CEP290: variants seen among roughly 807,000 people sequenced by gnomAD.
CEP290 encodes the protein centrosomal protein 290, also known as centrosomal protein of 290 kDa.
In CEP290, 317 loss-of-function variants were observed where a neutral mutation model predicts 344.9. The ratio of observed to expected loss-of-function variants is 0.92; its 90% CI spans 0.84 to 1.01. The LOEUF is 1.01. Ranked by LOEUF, CEP290 falls within the 50% of genes least tolerant of loss-of-function variation. The pLI is 0.00. For missense variants in CEP290, 2,754 were observed against 2,761.4 expected (o/e 1.00, Z 0.06); for synonymous variants, 932 against 895.8 (o/e 1.04, Z -0.72).
At chr12:88,103,036 T>TTA in intron 25 of CEP290, 25 bp from the exon 26 acceptor site, 1 of 1,465,236 alleles carries the variant, frequency 6.8e-7, no homozygotes, top group Non-Finnish European at 9.0e-7. Flanking sequence ...ATACACTGAG[T>TTA]TATGCTGGTG....
At chr12:88,072,189 TC>T (rs1261736618) in intron 41 of CEP290, among the ~76,000 whole-genome samples, 1 of 152,144 alleles carries the variant, frequency 6.6e-6, no homozygotes, top group Non-Finnish European at 1.5e-5. Flanking sequence ...GGGTCCCAAG[TC>T]CAAACACAAA....
chr12:88,095,918 T>C (rs1307904828), intron 27 of CEP290, among the ~76,000 whole-genome samples: 1 of 152,214 alleles, frequency 6.6e-6, no homozygotes, highest in Non-Finnish European at 1.5e-5. Context: ...CAGTAATATC[T>C]CTGTTAGATA....
At chr12:88,121,735 T>G (rs2039416723) in intron 13 of CEP290, among the ~76,000 whole-genome samples, 1 of 152,090 alleles carries the variant, frequency 6.6e-6, no homozygotes. Flanking sequence ...AGAAACCACA[T>G]GTTGAGATAG....
At chr12:88,131,020 G>T in intron 7 of CEP290, 145 bp downstream of exon 7, 1 of 607,082 alleles carries the variant, frequency 1.6e-6, no homozygotes, top group South Asian at 3.8e-5. Flanking sequence ...ATTTCCCTGA[G>T]ACAAAGTCAT....
chr12:88,120,051 A>T, intron 15 of CEP290, 63 bp downstream of exon 15: 1 of 1,070,796 alleles, frequency 9.3e-7, no homozygotes, highest in Non-Finnish European at 1.3e-6. Context: ...AACAAAATTT[A>T]AATTAAAAAA....
intron 11 of CEP290, among the ~76,000 whole-genome samples, chr12:88,126,749 T>C (rs1004707522): frequency 1.3e-5 from 2 of 152,098 alleles, no homozygotes; most frequent in African/African-American, 4.8e-5. Flanking sequence ...TGAAAAGTTT[T>C]ATACAATTGA....
chr12:88,130,545 CT>C lies in CEP290; in HGVS notation c.515del (p.Lys172ArgfsTer16). The C allele has an allele frequency of 3.1e-6, 5 of 1,594,844 alleles. No individual in the cohort carries two copies. Among genetic ancestry groups the C allele is most frequent in the African/African-American group, 1.3e-5 (1 of 74,384 alleles). ...GATTTCACCACACTTAAAGCCTCAC[CT>C]TTTTCTTTAGACGTTTGTTCTACAG... ...LRRENKRLKK[K>X]NEQLCQDIID... is the part of the protein sequence containing the mutation. On this transcript the variant is annotated frameshift_variant and splice_region_variant, in exon 8 of 54. Transcript: ENST00000552810. LOFTEE classifies it high-confidence loss of function.
chr12:88,066,245 G>A (rs577268481), intron 44 of CEP290, among the ~76,000 whole-genome samples: 4 of 152,138 alleles, frequency 2.6e-5, no homozygotes, highest in Non-Finnish European at 4.4e-5. Context: ...AAAGTAGTAC[G>A]TACATAAAAA....
intron 39 of CEP290, 21 bp downstream of exon 39, chr12:88,079,071 T>A: frequency 2.0e-6 from 3 of 1,531,418 alleles, no homozygotes; most frequent in Non-Finnish European, 2.6e-6. Flanking sequence ...TTTTGTTACA[T>A]TAACACGTGT....
At chr12:88,076,107 T>TC (rs1213699224) in intron 41 of CEP290, among the ~76,000 whole-genome samples, 9 of 152,140 alleles carry the variant, frequency 5.9e-5, no homozygotes, top group Admixed American at 5.9e-4. Context: ...TTCTAACCTA[T>TC]CCCCATTTAG....
rs749589261 is a variant in CEP290, at chr12:88,120,201, TC to T, written c.1434del (p.Ile479LeufsTer4). ...TTGATTTCCTTTGTTAATATTTCAA[TC>T]TCTCGATCTCTTATTTTAATTTGGT... ...CKNQIKIRDR[E>X]IEILTKEINK... is the part of the protein sequence containing the mutation. On this transcript the variant is annotated frameshift_variant, in exon 15 of 54. Transcript: ENST00000552810. LOFTEE classifies it high-confidence loss of function. 7.3e-6 allele frequency: 11 copies of T among 1,514,392 alleles called. No individual in the cohort carries two copies. The highest frequency in any genetic ancestry group is 5.3e-6 in the Non-Finnish European group (6 of 1,125,662). 93.8% of individuals were successfully genotyped at this position (1,514,392 alleles called of 1,614,324 possible). A position where few individuals can be genotyped will look rare whatever the true frequency, so the allele number is the denominator to read the frequency against.
At chr12:88,064,239 G>T in intron 44 of CEP290, 124 bp from the exon 45 acceptor site, 1 of 769,576 alleles carries the variant, frequency 1.3e-6, no homozygotes, top group Non-Finnish European at 2.0e-6. Context: ...TGAGAAAATC[G>T]GAGTGTTCTG....
At chr12:88,138,032 G>A (rs116870116) in intron 5 of CEP290, among the ~76,000 whole-genome samples, 4,509 of 152,198 alleles carry the variant, frequency 0.03, 110 homozygotes, top group Non-Finnish European at 0.044. Flanking sequence ...CATAACTTTT[G>A]TTCTAGTCTA....
intron 28 of CEP290, among the ~76,000 whole-genome samples, chr12:88,093,197 A>C (rs2137351836): frequency 6.6e-6 from 1 of 152,240 alleles, no homozygotes. Context: ...TTACTCATAT[A>C]GATTTAGTGA....
intron 13 of CEP290, among the ~76,000 whole-genome samples, chr12:88,124,487 C>T (rs953246734): frequency 6.6e-6 from 1 of 152,074 alleles, no homozygotes; most frequent in African/African-American, 2.4e-5. Flanking sequence ...CACTTACACA[C>T]ACATATGTGC....
chr12:88,105,775 C>T (rs1329503579), intron 25 of CEP290, among the ~76,000 whole-genome samples: 1 of 151,888 alleles, frequency 6.6e-6, no homozygotes, highest in Non-Finnish European at 1.5e-5. Context: ...CTCTGTTATA[C>T]AGGCACATAG....
At chr12:88,139,020 T>C in intron 5 of CEP290, 125 bp downstream of exon 5, 1 of 586,714 alleles carries the variant, frequency 1.7e-6, no homozygotes, top group Non-Finnish European at 3.1e-6. Context: ...ATATACAGAA[T>C]AAACAAATAA....
intron 6 of CEP290, among the ~76,000 whole-genome samples, chr12:88,132,848 C>A (rs2138146430): frequency 6.6e-6 from 1 of 152,116 alleles, no homozygotes; most frequent in East Asian, 1.9e-4. Context: ...AGATATTAAG[C>A]CCAGCATCCA....
intron 12 of CEP290, 61 bp downstream of exon 12, chr12:88,126,255 T>TC (rs2039722237): frequency 7.6e-7 from 1 of 1,315,942 alleles, no homozygotes; most frequent in African/African-American, 1.6e-5. Flanking sequence ...ATAAAAGACA[T>TC]CGTTCAGAGT....
Sources: allele counts gnomAD v4.1 joint callset (sites outside exome capture counted in the v4.1 genomes callset), GRCh38; gene constraint gnomAD v4.1.1; transcripts MANE v1.5; gene names NCBI Gene and HGNC (gene_info 2026-07-23, HGNC 2026-07-21).